The following UBE2R2 variants were observed in gnomAD, a reference collection of about 807,000 sequenced individuals.
The protein encoded by UBE2R2 is ubiquitin conjugating enzyme E2 R2, also known as ubiquitin-conjugating enzyme E2 R2.
UBE2R2 carries 1 observed loss-of-function variant against 27.8 expected under a neutral mutation model. The ratio of observed to expected loss-of-function variants is 0.04; its 90% confidence interval spans 0.01 to 0.17. The LOEUF is 0.17. UBE2R2 is among the 10% of genes least tolerant of loss of function. The probability of loss-of-function intolerance (pLI) is 1.00; values close to 1 mark genes in which losing one functional copy is unlikely to be tolerated. For missense variants in UBE2R2, 100 were observed against 291.0 expected (o/e 0.34, Z 4.78); for synonymous variants, 106 against 113.3 (o/e 0.94, Z 0.41).
At chr9:33,816,264 T>C (rs1263282839), upstream of UBE2R2, among the ~76,000 whole-genome samples, 1 of 152,150 alleles carries the variant, frequency 6.6e-6, no homozygotes, top group African/African-American at 2.4e-5. Context: ...AGTACTGTAT[T>C]CTGAACCACG....
intron 3 of UBE2R2, among the ~76,000 whole-genome samples, chr9:33,909,356 C>T (rs546936546): frequency 8.0e-4 from 121 of 152,116 alleles, no homozygotes; most frequent in Middle Eastern, 3.4e-3. Flanking sequence ...ACTGTGGTGG[C>T]GCGCACCTGT....
At chr9:33,849,395 TAAAG>T (rs1820915776) in intron 1 of UBE2R2, among the ~76,000 whole-genome samples, 2 of 152,134 alleles carry the variant, frequency 1.3e-5, no homozygotes, top group African/African-American at 2.4e-5. Context: ...ACCGAATATT[TAAAG>T]AAATATCTGT....
At chr9:33,845,002 C>T (rs1587439759) in intron 1 of UBE2R2, among the ~76,000 whole-genome samples, 1 of 151,996 alleles carries the variant, frequency 6.6e-6, no homozygotes, top group African/African-American at 2.4e-5. Flanking sequence ...CTCCTGACCT[C>T]AAATGATCCG....
At chr9:33,838,596 C>T (rs1395892595) in intron 1 of UBE2R2, among the ~76,000 whole-genome samples, 1 of 152,018 alleles carries the variant, frequency 6.6e-6, no homozygotes, top group Non-Finnish European at 1.5e-5. Flanking sequence ...GATCCCAGAA[C>T]TTCGGGAGGC....
chr9:33,908,204 A>G (rs1237315482), intron 3 of UBE2R2, among the ~76,000 whole-genome samples: 1 of 152,204 alleles, frequency 6.6e-6, no homozygotes, highest in Non-Finnish European at 1.5e-5. Context: ...TCCAGTTCAC[A>G]TCCATCCATC....
chr9:33,899,986 T>C (rs1564004309), intron 2 of UBE2R2, among the ~76,000 whole-genome samples, 188 bp from the exon 3 acceptor site: 2 of 152,202 alleles, frequency 1.3e-5, no homozygotes, highest in African/African-American at 4.8e-5. Context: ...ACCTTGGAGA[T>C]TGGTCAAAAT....
At chr9:33,868,700 T>C (rs74413748) in intron 1 of UBE2R2, 104 of 152,254 alleles carry the variant, frequency 6.8e-4, no homozygotes, top group African/African-American at 2.5e-3. Context: ...CCAAAAAATA[T>C]GTCTTGATTG....
At chr9:33,826,259 A>T (rs1173397872) in intron 1 of UBE2R2, among the ~76,000 whole-genome samples, 1 of 152,176 alleles carries the variant, frequency 6.6e-6, no homozygotes, top group African/African-American at 2.4e-5. Flanking sequence ...ATGCTTATGT[A>T]CCTCAAAATT....
intron 1 of UBE2R2, among the ~76,000 whole-genome samples, chr9:33,866,600 A>G (rs1029471742): frequency 6.6e-6 from 1 of 152,150 alleles, no homozygotes; most frequent in Admixed American, 6.6e-5. Flanking sequence ...TAAATATAGC[A>G]GTTGGTGGAT....
chr9:33,884,632 A>C (rs549969784), intron 1 of UBE2R2, among the ~76,000 whole-genome samples: 1 of 152,254 alleles, frequency 6.6e-6, no homozygotes, highest in South Asian at 2.1e-4. Context: ...TGGGTGAAAC[A>C]CCATTCTCAT....
chr9:33,863,825 C>T (rs1417891596), intron 1 of UBE2R2, among the ~76,000 whole-genome samples: 3 of 151,712 alleles, frequency 2.0e-5, no homozygotes, highest in Non-Finnish European at 2.9e-5. Context: ...GTAGCTGGAA[C>T]TACTGGCATG....
At chr9:33,848,483 G>T (rs1441519786) in intron 1 of UBE2R2, among the ~76,000 whole-genome samples, 1 of 152,084 alleles carries the variant, frequency 6.6e-6, no homozygotes, top group African/African-American at 2.4e-5. Context: ...AATCAGTCAA[G>T]GATTGATTTA....
chr9:33,838,481 A>G (rs574620649), intron 1 of UBE2R2, among the ~76,000 whole-genome samples: 1 of 151,702 alleles, frequency 6.6e-6, no homozygotes, highest in South Asian at 2.1e-4. Flanking sequence ...CTTTCCTGAG[A>G]TGTTTGCTAA....
intron 1 of UBE2R2, among the ~76,000 whole-genome samples, chr9:33,823,805 C>T (rs576490112): frequency 3.3e-5 from 5 of 152,340 alleles, no homozygotes; most frequent in East Asian, 1.9e-4. Context: ...AGAGGGTTTA[C>T]TGCCGATGAG....
chr9:33,818,384 T>TG (rs1563977569), intron 1 of UBE2R2, among the ~76,000 whole-genome samples: 2 of 6,896 alleles, frequency 2.9e-4, no homozygotes, highest in African/African-American at 5.4e-4. Context: ...GGGGTGGGGG[T>TG]GGGGTGGGGG....
intron 1 of UBE2R2, among the ~76,000 whole-genome samples, chr9:33,877,453 A>G (rs1293836151): frequency 6.6e-6 from 1 of 152,106 alleles, no homozygotes; most frequent in Non-Finnish European, 1.5e-5. Context: ...AAGTGCTGGG[A>G]TTACAAGCGT....
At chr9:33,844,707 G>C (rs1249190369) in intron 1 of UBE2R2, among the ~76,000 whole-genome samples, 3 of 151,942 alleles carry the variant, frequency 2.0e-5, no homozygotes, top group African/African-American at 2.4e-5. Flanking sequence ...AAACAACTGA[G>C]CTGTATCAGT....
At chr9:33,907,526 T>A (rs1241928250) in intron 3 of UBE2R2, among the ~76,000 whole-genome samples, 1 of 152,100 alleles carries the variant, frequency 6.6e-6, no homozygotes, top group Non-Finnish European at 1.5e-5. Context: ...TTTGTTGTAA[T>A]AAATGTTAAA....
chr9:33,836,781 A>G (rs1341391900), intron 1 of UBE2R2, among the ~76,000 whole-genome samples: 1 of 151,692 alleles, frequency 6.6e-6, no homozygotes, highest in Non-Finnish European at 1.5e-5. Context: ...ATATATATAT[A>G]TATTCTTGAG....
Sources: allele counts gnomAD v4.1 joint callset (sites outside exome capture counted in the v4.1 genomes callset), GRCh38; gene constraint gnomAD v4.1.1; transcripts MANE v1.5; gene names NCBI Gene and HGNC (gene_info 2026-07-23, HGNC 2026-07-21).